The following ZMIZ1 variants were observed in gnomAD, a reference collection of about 807,000 sequenced individuals.
ZMIZ1 encodes the protein zinc finger MIZ-type containing 1, also known as zinc finger MIZ domain-containing protein 1.
ZMIZ1 carries 17 observed loss-of-function variants against 113.9 expected under a neutral mutation model. The observed-to-expected ratio is 0.15, with a 90% CI of 0.10 to 0.22. ZMIZ1 has a LOEUF of 0.22. Ranked by LOEUF, ZMIZ1 falls within the 10% of genes least tolerant of loss-of-function variation. The probability of loss-of-function intolerance (pLI) is 1.00; values close to 1 mark genes in which losing one functional copy is unlikely to be tolerated. For missense variants in ZMIZ1, 1,059 were observed against 1,477.8 expected (o/e 0.72, Z 4.65); for synonymous variants, 607 against 603.1 (o/e 1.01, Z -0.09).
chr10:79,257,655 G>A (rs534819113), intron 7 of ZMIZ1, among the ~76,000 whole-genome samples: 11 of 152,214 alleles, frequency 7.2e-5, no homozygotes, highest in Non-Finnish European at 1.3e-4. Flanking sequence ...GTCTTTGCCT[G>A]CCAGGCAGAC....
At chr10:79,311,301 TGGGA>T in intron 24 of ZMIZ1, 117 bp downstream of exon 24, 39 of 116,950 alleles carry the variant, frequency 3.3e-4, no homozygotes, top group East Asian at 1.7e-3. Context: ...GGGTGGGCGG[TGGGA>T]GGGCTTCACC....
rs2840338 is a variant in ZMIZ1 at position 79,246,106 on chromosome 10, C to G, written c.280+29832C>G. On this transcript the variant is annotated intron_variant, in intron 7 of 24. Coordinates refer to ENST00000334512, the MANE Select transcript of ZMIZ1 (RefSeq NM_020338.4). The stretch of plus-strand genomic sequence containing the variant: ...TGCTGCGGGGAAGGAGTAGACCAGC[C>G]AGGCATTCCCATTTAACACAGGAGA... 7.8e-4 allele frequency among the ~76,000 whole-genome samples: 119 copies of G among 152,378 alleles called. 2 individuals carry two copies. The East Asian group carries it at 9.8e-3, about 13-fold the overall frequency.
chr10:79,074,391 G>A (rs191683394), intron 1 of ZMIZ1, among the ~76,000 whole-genome samples: 1 of 152,304 alleles, frequency 6.6e-6, no homozygotes, highest in Admixed American at 6.5e-5. Flanking sequence ...GGCCTCACCT[G>A]TCTTCCCCCT....
intron 2 of ZMIZ1, among the ~76,000 whole-genome samples, chr10:79,129,465 C>G (rs762379225): frequency 6.6e-6 from 1 of 152,182 alleles, no homozygotes; most frequent in South Asian, 2.1e-4. Flanking sequence ...TGCAGTCGCT[C>G]GGCCCCTTCC....
At chr10:79,233,015 C>T (rs755469195) in intron 7 of ZMIZ1, among the ~76,000 whole-genome samples, 1 of 152,242 alleles carries the variant, frequency 6.6e-6, no homozygotes, top group Non-Finnish European at 1.5e-5. Context: ...TCCAGCCACG[C>T]CCCCGACACC....
At chr10:79,253,876 G>GCA (rs376287548) in intron 7 of ZMIZ1, among the ~76,000 whole-genome samples, 6 of 151,836 alleles carry the variant, frequency 4.0e-5, no homozygotes, top group Non-Finnish European at 7.4e-5. Context: ...ACAGGTACAT[G>GCA]CACACACACA....
rs1178417209 is a variant in ZMIZ1 at position 79,314,105 on chromosome 10, C to T, written c.*1356C>T. ...CTCCACCATCACAATCTCACCCAAA[C>T]TCCTGCTCACTCAAGCAAAAGCAGC... On this transcript the variant is annotated 3_prime_UTR_variant, in exon 25 of 25. Coordinates refer to ENST00000334512, the MANE Select transcript of ZMIZ1 (RefSeq NM_020338.4). 9 of 456,870 alleles carry T rather than the reference C, an allele frequency of 2.0e-5. No homozygotes were observed. Among genetic ancestry groups the T allele is most frequent in the African/African-American group, 1.8e-4 (9 of 50,094 alleles). 28.3% of individuals were successfully genotyped at this position (456,870 alleles called of 1,614,324 possible). A position where few individuals can be genotyped will look rare whatever the true frequency, so the allele number is the denominator to read the frequency against.
chr10:79,237,182 A>C (rs974204132), intron 7 of ZMIZ1, among the ~76,000 whole-genome samples: 1 of 152,222 alleles, frequency 6.6e-6, no homozygotes, highest in African/African-American at 2.4e-5. Context: ...AAGGGCATCG[A>C]GGCTGGACCA....
chr10:79,079,223 A>G (rs996125091), intron 1 of ZMIZ1, among the ~76,000 whole-genome samples: 2 of 152,230 alleles, frequency 1.3e-5, no homozygotes, highest in Non-Finnish European at 2.9e-5. Flanking sequence ...CCATGTCCCT[A>G]GAGACAGGCC....
chr10:79,300,993 C>T (rs908967720), intron 17 of ZMIZ1, 51 bp downstream of exon 17: 20 of 1,595,262 alleles, frequency 1.3e-5, no homozygotes, highest in Admixed American at 3.4e-5. Context: ...CCCTGTTTCA[C>T]GGCATGAGAG....
chr10:79,306,737 C>G (rs535976411), intron 22 of ZMIZ1, among the ~76,000 whole-genome samples: 5 of 152,220 alleles, frequency 3.3e-5, no homozygotes, highest in Admixed American at 2.0e-4. Flanking sequence ...CTTACGCTCC[C>G]GGCTGCCCAG....
chr10:79,233,160 A>T (rs1378013442), intron 7 of ZMIZ1, among the ~76,000 whole-genome samples: 2 of 152,242 alleles, frequency 1.3e-5, no homozygotes, highest in African/African-American at 4.8e-5. Flanking sequence ...GAGCAGCAGA[A>T]GCACTGGCTT....
At chr10:79,141,637 G>C (rs1394097827) in intron 3 of ZMIZ1, among the ~76,000 whole-genome samples, 1 of 152,148 alleles carries the variant, frequency 6.6e-6, no homozygotes, top group Non-Finnish European at 1.5e-5. Flanking sequence ...CGAACTCCTG[G>C]ACTTAAGTGA....
chr10:79,166,001 T>TGTGTGTGTGG (rs1554860983), intron 4 of ZMIZ1, among the ~76,000 whole-genome samples: 3 of 61,802 alleles, frequency 4.9e-5, no homozygotes, highest in African/African-American at 1.6e-4. Context: ...TGTGTGTGTG[T>TGTGTGTGTGG]GGGCTCTCCC....
chr10:79,222,185 GTT>G (rs148779073), intron 7 of ZMIZ1, among the ~76,000 whole-genome samples: 24 of 150,010 alleles, frequency 1.6e-4, no homozygotes, highest in Non-Finnish European at 2.7e-4. Flanking sequence ...ACCACTCAAT[GTT>G]TTTTTTTTAT....
chr10:79,270,951 T>C (rs899129633), intron 7 of ZMIZ1, among the ~76,000 whole-genome samples: 4 of 152,132 alleles, frequency 2.6e-5, no homozygotes, highest in African/African-American at 9.7e-5. Flanking sequence ...AAGTAATGCC[T>C]TCCCTCCAGG....
At chr10:79,254,431 C>T (rs1241963946) in intron 7 of ZMIZ1, among the ~76,000 whole-genome samples, 1 of 152,242 alleles carries the variant, frequency 6.6e-6, no homozygotes, top group Non-Finnish European at 1.5e-5. Context: ...TAGGGAAGCC[C>T]CATAAGCCGG....
intron 7 of ZMIZ1, among the ~76,000 whole-genome samples, chr10:79,269,202 G>A (rs1389266855): frequency 1.3e-5 from 2 of 152,158 alleles, no homozygotes; most frequent in South Asian, 2.1e-4. Context: ...CACTGCTGCT[G>A]CTACTTCAGA....
chr10:79,182,117 T>C (rs1258530546), intron 4 of ZMIZ1, among the ~76,000 whole-genome samples: 1 of 152,118 alleles, frequency 6.6e-6, no homozygotes, highest in Non-Finnish European at 1.5e-5. Context: ...GAACTGTGTG[T>C]GTGTATGTGC....
Sources: allele counts gnomAD v4.1 joint callset (sites outside exome capture counted in the v4.1 genomes callset), GRCh38; gene constraint gnomAD v4.1.1; transcripts MANE v1.5; gene names NCBI Gene and HGNC (gene_info 2026-07-23, HGNC 2026-07-21).